TCERG1: variants seen among roughly 807,000 people sequenced by gnomAD.
TCERG1 encodes the protein transcription elongation regulator 1.
In TCERG1, 37 loss-of-function variants were observed where a neutral mutation model predicts 144.7. That is an observed-to-expected ratio of 0.26 (90% CI 0.20 to 0.34). TCERG1 has a LOEUF of 0.34. Ranked by LOEUF, TCERG1 falls within the 10% of genes least tolerant of loss-of-function variation. The pLI, the probability that TCERG1 is intolerant of heterozygous loss-of-function variation, is 1.00. For synonymous variants in TCERG1, 492 were observed against 458.2 expected, an observed-to-expected ratio of 1.07 and a Z score of -0.94; for missense variants, 1,027 against 1,380.7, an observed-to-expected ratio of 0.74 and a Z score of 4.06.
chr5:146,457,024 A>G (rs540657928), intron 2 of TCERG1, among the ~76,000 whole-genome samples, 159 bp from the exon 3 acceptor site: 1 of 152,322 alleles, frequency 6.6e-6, no homozygotes, highest in South Asian at 2.1e-4. Context: ...TTTGTTTGGT[A>G]ATTTTTGTTG....
At chr5:146,458,846 A>G in intron 3 of TCERG1, 38 bp from the exon 4 acceptor site, 1 of 1,560,986 alleles carries the variant, frequency 6.4e-7, no homozygotes, top group Non-Finnish European at 8.7e-7. Context: ...AATAACTGAC[A>G]GATTTTATGA....
intron 16 of TCERG1, 107 bp downstream of exon 16, chr5:146,493,145 G>A (rs1198270060): frequency 1.3e-6 from 1 of 793,456 alleles, no homozygotes; most frequent in Non-Finnish European, 1.9e-6. Flanking sequence ...GGCACTAAAA[G>A]CTCCTTATTT....
intron 3 of TCERG1, among the ~76,000 whole-genome samples, chr5:146,458,104 G>A (rs2150248382): frequency 1.3e-5 from 2 of 152,146 alleles, no homozygotes; most frequent in South Asian, 4.2e-4. Context: ...ACCCGCCTTG[G>A]CCTCCCATAG....
chr5:146,455,712 A>T (rs1034649416), intron 2 of TCERG1, among the ~76,000 whole-genome samples: 2 of 152,236 alleles, frequency 1.3e-5, no homozygotes, highest in Admixed American at 6.5e-5. Context: ...GGTGCCTAGG[A>T]TAGAATCTGG....
intron 15 of TCERG1, among the ~76,000 whole-genome samples, chr5:146,484,658 T>A (rs1765662729): frequency 6.6e-6 from 1 of 152,220 alleles, no homozygotes; most frequent in Non-Finnish European, 1.5e-5. Flanking sequence ...GTATCTTTTT[T>A]AAAAAACAAA....
At chr5:146,450,887 A>G (rs970900122) in intron 1 of TCERG1, among the ~76,000 whole-genome samples, 3 of 152,186 alleles carry the variant, frequency 2.0e-5, no homozygotes, top group Non-Finnish European at 2.9e-5. Flanking sequence ...CTACCACCCT[A>G]AATGTTTCAC....
At chr5:146,479,500 A>G (rs972347654) in intron 10 of TCERG1, among the ~76,000 whole-genome samples, 1 of 152,164 alleles carries the variant, frequency 6.6e-6, no homozygotes, top group Non-Finnish European at 1.5e-5. Context: ...ATGATGTTGA[A>G]ACAATATGTG....
chr5:146,501,887 CTTTTTTTTTT>C (rs70998087), intron 17 of TCERG1, among the ~76,000 whole-genome samples: 128 of 73,432 alleles, frequency 1.7e-3, no homozygotes, highest in Non-Finnish European at 2.8e-3. Context: ...ATCAACTTCA[CTTTTTTTTTT>C]TTTTTTTTTT....
chr5:146,458,730 C>T (rs1763052017), intron 3 of TCERG1, among the ~76,000 whole-genome samples, 154 bp from the exon 4 acceptor site: 1 of 152,032 alleles, frequency 6.6e-6, no homozygotes. Context: ...CCACCTGCCT[C>T]TGCCTCCCAA....
intron 19 of TCERG1, chr5:146,504,208 G>T: frequency 2.4e-6 from 1 of 415,500 alleles, no homozygotes; most frequent in Non-Finnish European, 4.1e-6. Context: ...CAGAAGTTAG[G>T]CATTTTGCAT....
chr5:146,460,021 G>A (rs1299727488), intron 4 of TCERG1, among the ~76,000 whole-genome samples: 2 of 152,110 alleles, frequency 1.3e-5, no homozygotes, highest in Non-Finnish European at 1.5e-5. Flanking sequence ...ATTTTTTTTG[G>A]TGTTGGTTTT....
intron 17 of TCERG1, among the ~76,000 whole-genome samples, chr5:146,498,996 A>G (rs1217781158): frequency 2.6e-5 from 4 of 152,156 alleles, no homozygotes. Context: ...AGATTTCAAG[A>G]TTCTTTATAG....
intron 10 of TCERG1, 132 bp from the exon 11 acceptor site, chr5:146,479,722 GC>G: frequency 1.3e-6 from 1 of 794,822 alleles, no homozygotes; most frequent in Non-Finnish European, 2.0e-6. Context: ...GTAGAATTAT[GC>G]TTTGTTTAAT....
At chr5:146,484,329 C>T (rs552859959) in intron 15 of TCERG1, among the ~76,000 whole-genome samples, 171 of 152,268 alleles carry the variant, frequency 1.1e-3, no homozygotes, top group Middle Eastern at 3.4e-3. Flanking sequence ...TAAAGCATTG[C>T]ACACTTCCAA....
intron 19 of TCERG1, chr5:146,504,482 C>CA (rs1389079913): frequency 6.6e-6 from 1 of 152,472 alleles, no homozygotes; most frequent in African/African-American, 2.4e-5. Flanking sequence ...CCTTACCCCT[C>CA]AGAGTTGTTG....
At chr5:146,448,455 T>C (rs769660432) in intron 1 of TCERG1, among the ~76,000 whole-genome samples, 1 of 152,206 alleles carries the variant, frequency 6.6e-6, no homozygotes, top group Non-Finnish European at 1.5e-5. Flanking sequence ...TATGTGTATT[T>C]GGTACTTTGG....
intron 22 of TCERG1, chr5:146,510,028 A>C: frequency 7.8e-7 from 1 of 1,284,206 alleles, no homozygotes; most frequent in Non-Finnish European, 1.0e-6. Context: ...GGGCTTTTAA[A>C]TTAGATGTGA....
Position 146,455,182 on chromosome 5 carries a change from A to G in TCERG1, c.186A>G (p.Pro62=). The change falls in exon 2 of 23, where the codon CCA becomes CCG. Residue 62 remains proline (P), a synonymous_variant. Transcript: ENST00000679501. ...PFGMMRGPPP[P]PRPPFGRPPF... is the part of the protein sequence containing the mutation. ...GTATGATGCGAGGCCCTCCTCCACC[A>G]CCACGGCCGCCCTTTGGACGTCCTC... is the stretch of plus-strand genomic sequence containing the variant. 1.9e-6 allele frequency: 3 copies of G among 1,614,122 alleles called. No homozygotes were observed. Among genetic ancestry groups the G allele is most frequent in the Non-Finnish European group, 1.7e-6 (2 of 1,180,006 alleles).
intron 1 of TCERG1, among the ~76,000 whole-genome samples, chr5:146,448,304 C>T (rs1762068686): frequency 6.6e-6 from 1 of 152,102 alleles, no homozygotes; most frequent in Non-Finnish European, 1.5e-5. Context: ...CTACTCATGC[C>T]ATTTCCTTGA....
Sources: allele counts gnomAD v4.1 joint callset (sites outside exome capture counted in the v4.1 genomes callset), GRCh38; gene constraint gnomAD v4.1.1; transcripts MANE v1.5; gene names NCBI Gene and HGNC (gene_info 2026-07-23, HGNC 2026-07-21).